SLC35F3: variants seen among roughly 807,000 people sequenced by gnomAD.
SLC35F3 encodes solute carrier family 35 member F3, also known as putative thiamine transporter SLC35F3.
In SLC35F3, 25 loss-of-function variants were observed where a neutral mutation model predicts 49.9. That is an observed-to-expected ratio of 0.50 (90% CI 0.37 to 0.70). The LOEUF is 0.70. SLC35F3 is among the 30% of genes least tolerant of loss of function. The pLI, the probability that SLC35F3 is intolerant of heterozygous loss-of-function variation, is 0.00. For synonymous variants in SLC35F3, 275 were observed against 265.4 expected, an observed-to-expected ratio of 1.04 and a Z score of -0.35; for missense variants, 525 against 639.8, an observed-to-expected ratio of 0.82 and a Z score of 1.94.
intron 2 of SLC35F3, among the ~76,000 whole-genome samples, chr1:233,965,682 G>C (rs1270815689): frequency 1.3e-5 from 2 of 152,096 alleles, no homozygotes; most frequent in African/African-American, 4.8e-5. Flanking sequence ...CTTGGAAGTG[G>C]ATTCTTCCCC....
At chr1:234,278,066 G>C (rs538388928) in intron 3 of SLC35F3, among the ~76,000 whole-genome samples, 1 of 152,078 alleles carries the variant, frequency 6.6e-6, no homozygotes, top group Admixed American at 6.5e-5. Flanking sequence ...AGAGGCATGC[G>C]CCTGTGGTCC....
At chr1:234,016,958 T>C (rs1049301412) in intron 2 of SLC35F3, among the ~76,000 whole-genome samples, 1 of 152,226 alleles carries the variant, frequency 6.6e-6, no homozygotes, top group African/African-American at 2.4e-5. Context: ...TTTGAATTCT[T>C]GTCCCAAACA....
chr1:233,987,646 C>A (rs1328771520), intron 2 of SLC35F3, among the ~76,000 whole-genome samples: 1 of 152,146 alleles, frequency 6.6e-6, no homozygotes, highest in African/African-American at 2.4e-5. Flanking sequence ...CTGGTGGAAT[C>A]TCTCAGTCCA....
chr1:234,288,660 A>G (rs956405053), intron 3 of SLC35F3, among the ~76,000 whole-genome samples: 2 of 152,208 alleles, frequency 1.3e-5, no homozygotes, highest in Admixed American at 6.5e-5. Context: ...CTCAACTCAT[A>G]TCATCTCATT....
At chr1:234,185,396 C>G (rs931715947) in intron 2 of SLC35F3, among the ~76,000 whole-genome samples, 4 of 152,178 alleles carry the variant, frequency 2.6e-5, no homozygotes, top group African/African-American at 9.7e-5. Flanking sequence ...AAAGAGGCAG[C>G]CCTGCAGAAA....
At chr1:234,061,938 C>G (rs1201246307) in intron 2 of SLC35F3, among the ~76,000 whole-genome samples, 1 of 152,024 alleles carries the variant, frequency 6.6e-6, no homozygotes, top group African/African-American at 2.4e-5. Flanking sequence ...GAAACTTTGC[C>G]TTTTAAATAT....
chr1:234,239,992 A>G (rs1461251900), intron 3 of SLC35F3, among the ~76,000 whole-genome samples: 1 of 152,146 alleles, frequency 6.6e-6, no homozygotes, highest in East Asian at 1.9e-4. Context: ...ATTAAACACG[A>G]TGGTGTGTAA....
chr1:234,100,600 T>C (rs1665199903), intron 2 of SLC35F3, among the ~76,000 whole-genome samples: 3 of 152,220 alleles, frequency 2.0e-5, no homozygotes, highest in South Asian at 2.1e-4. Context: ...TCAATCTAAA[T>C]GGTCCTGGAA....
chr1:234,090,687 C>G (rs1049936245), intron 2 of SLC35F3, among the ~76,000 whole-genome samples: 8 of 152,172 alleles, frequency 5.3e-5, no homozygotes, highest in Admixed American at 4.6e-4. Flanking sequence ...GTTTTTGGCT[C>G]TCTGACATCA....
intron 3 of SLC35F3, among the ~76,000 whole-genome samples, chr1:234,282,404 C>T (rs904741251): frequency 2.0e-5 from 3 of 152,212 alleles, no homozygotes. Flanking sequence ...CACCCCTGCC[C>T]TTGGCCTGGG....
intron 3 of SLC35F3, chr1:234,268,940 TACAC>T (rs1475513743): frequency 6.6e-6 from 1 of 152,098 alleles, no homozygotes; most frequent in Non-Finnish European, 1.5e-5. Context: ...TACACACACA[TACAC>T]ACACAGACAC....
At chr1:233,993,256 C>T (rs769134710) in intron 2 of SLC35F3, among the ~76,000 whole-genome samples, 1 of 152,108 alleles carries the variant, frequency 6.6e-6, no homozygotes, top group African/African-American at 2.4e-5. Context: ...TGTGAGCCAC[C>T]GTGACTGGAC....
At chr1:233,988,990 A>G (rs1390164705) in intron 2 of SLC35F3, among the ~76,000 whole-genome samples, 1 of 152,232 alleles carries the variant, frequency 6.6e-6, no homozygotes, top group Admixed American at 6.5e-5. Context: ...TTAAATTTCC[A>G]TGTATATTTT....
rs1391803433 is a variant in SLC35F3 at position 234,214,696 on chromosome 1, G to A, written c.284-16721G>A. 7 of 1,302,720 alleles carry A rather than the reference G, an allele frequency of 5.4e-6. No individual in the cohort carries two copies. Among genetic ancestry groups the A allele is most frequent in the Non-Finnish European group, 7.0e-6 (7 of 993,024 alleles). 80.7% of individuals were successfully genotyped at this position (1,302,720 alleles called of 1,614,324 possible). On this transcript the variant is annotated intron_variant, in intron 2 of 7. Coordinates refer to ENST00000366618, the MANE Select transcript of SLC35F3 (RefSeq NM_173508.4). This position sits in a 1 kb window ranked among gnomAD's most constrained non-coding sequence, Gnocchi z 8.0. ...GGGGGTACTGCTCCCCCAGGACGCG[G>A]CTCCGCAGTGCAGAGCGCCGCCGCC... is the stretch of plus-strand genomic sequence containing the variant.
At position 234,274,223 on chromosome 1, in the gene SLC35F3, C is replaced by T. The variant is rs377268373; in HGVS notation, c.609-34878C>T. 4 of 152,312 alleles carry T rather than the reference C, an allele frequency of 2.6e-5. No individual in the cohort carries two copies. In the East Asian group the frequency reaches 5.8e-4, roughly 22 times the overall value. 9.4% of individuals were successfully genotyped at this position (152,312 alleles called of 1,614,324 possible). On this transcript the variant is annotated intron_variant, in intron 3 of 7. Transcript: ENST00000366618. ...TTAAAAGACCGTTTTGTGAGGTCTT[C>T]AACTTCTTCTCCATTTCACCAACAC...
chr1:233,949,066 C>T (rs1039543776), intron 2 of SLC35F3, among the ~76,000 whole-genome samples: 5 of 152,012 alleles, frequency 3.3e-5, no homozygotes, highest in African/African-American at 9.7e-5. Context: ...CACATAATCT[C>T]GTCTGAAAGT....
rs1311474573 is a variant in SLC35F3 at position 233,905,098 on chromosome 1, C to A, written c.21C>A (p.Pro7=). 1 of 1,563,782 alleles carries A rather than the reference C, an allele frequency of 6.4e-7. No homozygotes were observed. The highest frequency in any genetic ancestry group is 2.3e-5 in the East Asian group (1 of 42,780). Residue 7 remains proline (P), a synonymous_variant, in exon 1 of 8, where the codon CCC becomes CCA. Transcript: ENST00000366618. MGIREF[P]SGAPRGKSIA... is the part of the protein sequence containing the mutation. ...TGCCTATGGGGATTCGAGAGTTTCC[C>A]AGCGGCGCACCCAGGGGCAAGAGCA...
At chr1:234,130,615 C>G (rs12071462) in intron 2 of SLC35F3, among the ~76,000 whole-genome samples, 1 of 148,214 alleles carries the variant, frequency 6.7e-6, no homozygotes, top group Non-Finnish European at 1.5e-5. Flanking sequence ...CACTCCAGCC[C>G]AGGTGACAGA....
At chr1:234,160,694 G>A (rs892382898) in intron 2 of SLC35F3, among the ~76,000 whole-genome samples, 3 of 152,144 alleles carry the variant, frequency 2.0e-5, no homozygotes, top group African/African-American at 7.2e-5. Flanking sequence ...AAGAGCATCA[G>A]GAAGCACTGA....
Sources: gnomAD v4.1 joint callset for allele counts (sites outside exome capture counted in the v4.1 genomes callset) on GRCh38, gnomAD v4.1.1 for gene constraint, Gnocchi (gnomAD v3.1) non-coding constraint, MANE v1.5 for transcripts, NCBI Gene and HGNC (gene_info 2026-07-23, HGNC 2026-07-21) for gene names.